SPON2: variants seen among roughly 807,000 people sequenced by gnomAD.
The protein encoded by SPON2 is spondin 2.
In SPON2, 32 loss-of-function variants were observed where a neutral mutation model predicts 29.9. The observed-to-expected ratio is 1.07, with a 90% CI of 0.81 to 1.44. The LOEUF is 1.44. SPON2 is among the 40% of genes most tolerant of loss of function. SPON2 has a pLI of 0.00. For missense variants in SPON2, 541 were observed against 455.5 expected (o/e 1.19, Z -1.71); for synonymous variants, 248 against 209.1 (o/e 1.19, Z -1.61).
In SPON2 at chr4:1,207,575, G is replaced by A. The variant is rs111909519; in HGVS notation, c.-234+305C>T. On this transcript the variant is annotated intron_variant, in intron 1 of 3. Coordinates refer to the SPON2 transcript ENST00000509233. ...GTCCGGCTGCCTAACCATGCGCCGC[G>A]CTTACACATGCTCCAGAGGGTCCGG... Among the ~76,000 whole-genome samples the A allele has an allele frequency of 2.6e-4, 40 of 151,556 alleles. No individual in the cohort carries two copies. The South Asian group carries it at 3.8e-3, about 14-fold the overall frequency.
Position 1,181,061 on chromosome 4 carries a change from A to C in SPON2, c.-238-1520T>G, listed in dbSNP as rs186299968. On this transcript the variant is annotated intron_variant, in intron 1 of 3. Transcript: ENST00000502483. ...AACCAATTCCAAGTAGGGAACATGC[A>C]AAGAGATAGCCGCACTGACACACAT... Among the ~76,000 whole-genome samples the C allele has an allele frequency of 4.7e-4, 71 of 152,308 alleles. 1 individual carries two copies. The highest frequency in any genetic ancestry group is 1.6e-3 in the African/African-American group (68 of 41,560).
chr4:1,207,624 A>ACG, intron 1 of SPON2, among the ~76,000 whole-genome samples: 19 of 131,728 alleles, frequency 1.4e-4, no homozygotes, highest in South Asian at 5.1e-4. Context: ...CGCCGCGCTT[A>ACG]CACATGCTCC....
intron 1 of SPON2, among the ~76,000 whole-genome samples, chr4:1,204,276 T>C (rs1728286121): frequency 1.3e-5 from 2 of 152,240 alleles, no homozygotes; most frequent in African/African-American, 4.8e-5. Flanking sequence ...CTGGAGCCGA[T>C]ACACATCCTT....
chr4:1,193,118 C>T (rs1000950963), intron 1 of SPON2, among the ~76,000 whole-genome samples: 5 of 152,232 alleles, frequency 3.3e-5, no homozygotes. Context: ...AGATACACGC[C>T]TCACACATGG....
At chr4:1,200,294 A>G (rs1728165936) in intron 1 of SPON2, among the ~76,000 whole-genome samples, 1 of 152,148 alleles carries the variant, frequency 6.6e-6, no homozygotes, top group Non-Finnish European at 1.5e-5. Flanking sequence ...GGCTCCACGG[A>G]CAGTTGAGAA....
intron 1 of SPON2, 121 bp downstream of exon 1, chr4:1,172,423 T>C (rs1291142853): frequency 7.5e-6 from 3 of 398,000 alleles, no homozygotes; most frequent in Non-Finnish European, 1.4e-5. Context: ...ACTAGACCCT[T>C]AAAGCTCGGT....
chr4:1,202,910 C>T lies in SPON2; in HGVS notation c.-234+4970G>A, dbSNP rs564103900. ...GCACCTGCCTGAGCCATGGCTGGGG[C>T]GGCCAAGGAGGGCTGGGCCAGGATC... On this transcript the variant is annotated intron_variant, in intron 1 of 3. Transcript: ENST00000509233. This position sits in a 1 kb window ranked among gnomAD's most constrained non-coding sequence, Gnocchi z 5.4. 2.6e-5 allele frequency among the ~76,000 whole-genome samples: 4 copies of T among 152,296 alleles called. No individual in the cohort carries two copies. The highest frequency in any genetic ancestry group is 2.1e-4 in the South Asian group (1 of 4,826).
chr4:1,197,580 C>T (rs1728096928), upstream of SPON2, among the ~76,000 whole-genome samples: 1 of 151,954 alleles, frequency 6.6e-6, no homozygotes. Context: ...GGACTTTGTG[C>T]CACCCTAAGA....
intron 1 of SPON2, among the ~76,000 whole-genome samples, chr4:1,187,397 G>A (rs1053567801): frequency 2.0e-5 from 3 of 152,206 alleles, no homozygotes; most frequent in Non-Finnish European, 4.4e-5. Flanking sequence ...TGTTTAATGA[G>A]TGCACAGTTT....
At chr4:1,190,194 T>C (rs1307922832) in intron 1 of SPON2, among the ~76,000 whole-genome samples, 2 of 151,338 alleles carry the variant, frequency 1.3e-5, no homozygotes, top group African/African-American at 4.9e-5. Flanking sequence ...AATGAACAAA[T>C]TCCTGGAAAG....
At chr4:1,190,284 AAAAAAAAAACAAAC>A (rs1211583428) in intron 1 of SPON2, among the ~76,000 whole-genome samples, 6 of 149,788 alleles carry the variant, frequency 4.0e-5, no homozygotes, top group Non-Finnish European at 7.5e-5. Flanking sequence ...TGAAGTAGGA[AAAAAAAAAACAAAC>A]AAAAAAAAAC....
chr4:1,182,029 C>A (rs1271461253), intron 1 of SPON2, among the ~76,000 whole-genome samples: 1 of 152,082 alleles, frequency 6.6e-6, no homozygotes, highest in East Asian at 1.9e-4. Flanking sequence ...CCTGAGAAGA[C>A]CTTATGTTTG....
intron 1 of SPON2, among the ~76,000 whole-genome samples, chr4:1,183,081 A>T (rs1040658865): frequency 3.3e-4 from 50 of 152,088 alleles, no homozygotes; most frequent in African/African-American, 1.0e-3. Context: ...TCTCCACTAA[A>T]AATACAAAAA....
upstream of SPON2, among the ~76,000 whole-genome samples, chr4:1,198,455 A>G (rs1250125): frequency 0.26 from 39,988 of 152,134 alleles, 6,441 homozygotes; most frequent in East Asian, 0.41. Context: ...TCATGAAACC[A>G]GGATAATCTA....
intron 1 of SPON2, among the ~76,000 whole-genome samples, chr4:1,193,279 C>A (rs1366260034): frequency 6.6e-6 from 1 of 152,144 alleles, no homozygotes; most frequent in Admixed American, 6.5e-5. Context: ...GGTGCAACGT[C>A]CCCTGTCCCA....
chr4:1,201,155 G>T (rs1417675687), intron 1 of SPON2: 1 of 454,780 alleles, frequency 2.2e-6, no homozygotes, highest in Non-Finnish European at 4.4e-6. Context: ...ATTCCCTGCA[G>T]GCCAAATGCA....
At chr4:1,204,519 G>A (rs909658658) in intron 1 of SPON2, among the ~76,000 whole-genome samples, 1 of 152,116 alleles carries the variant, frequency 6.6e-6, no homozygotes. Context: ...GTTACTGTGA[G>A]CGACCCACGC....
At position 1,171,438 on chromosome 4, in the gene SPON2, A is replaced by T. The variant is rs1727444768; in HGVS notation, c.269T>A (p.Val90Asp). 1 of 1,612,104 alleles carries T rather than the reference A, an allele frequency of 6.2e-7. No individual in the cohort carries two copies. Among genetic ancestry groups the T allele is most frequent in the Non-Finnish European group, 8.5e-7 (1 of 1,179,760 alleles). Residue 90 changes from valine (V) to aspartate (D), a missense_variant, in exon 3 of 6, where the codon GTC (valine) becomes GAC (aspartate). By Grantham distance (152) the Val-to-Asp change is radical. Coordinates refer to ENST00000290902, the MANE Select transcript of SPON2 (RefSeq NM_012445.4). ...DYSMWRKNQY[V>D]SNGLRDFAER... The stretch of plus-strand genomic sequence containing the variant: ...CGCAAAGTCGCGCAGCCCGTTACTG[A>T]CGTACTGGTTCTTCCTCCACATGCT...
At chr4:1,177,844 G>A (rs1352312087), upstream of SPON2, among the ~76,000 whole-genome samples, 1 of 152,126 alleles carries the variant, frequency 6.6e-6, no homozygotes, top group African/African-American at 2.4e-5. Context: ...TGACTCAGAC[G>A]CGGAGTACCC....
Sources: allele counts gnomAD v4.1 joint callset (sites outside exome capture counted in the v4.1 genomes callset), GRCh38; gene constraint gnomAD v4.1.1; non-coding constraint Gnocchi (gnomAD v3.1); transcripts MANE v1.5; gene names NCBI Gene and HGNC (gene_info 2026-07-23, HGNC 2026-07-21).